Variants in CDH13 observed in about 807,000 individuals in gnomAD.
CDH13 encodes the protein cadherin 13, also known as cadherin-13.
Under a neutral mutation model 63.8 loss-of-function variants are expected in CDH13, and 24 were observed. The ratio of observed to expected loss-of-function variants is 0.38; its 90% CI spans 0.27 to 0.53. The LOEUF is 0.53. Ranked by LOEUF, CDH13 falls within the 20% of genes least tolerant of loss-of-function variation. The pLI is 0.85. For synonymous variants in CDH13, 503 were observed against 355.3 expected, an observed-to-expected ratio of 1.42 and a Z score of -4.67; for missense variants, 1,049 against 903.1, an observed-to-expected ratio of 1.16 and a Z score of -2.07.
chr16:83,391,520 A>G lies in CDH13; in HGVS notation c.781+46514A>G, dbSNP rs116124988. Among the ~76,000 whole-genome samples the G allele has an allele frequency of 5.7e-3, 873 of 152,250 alleles. 14 individuals carry two copies. Among genetic ancestry groups the G allele is most frequent in the African/African-American group, 0.019 (777 of 41,552 alleles). On this transcript the variant is annotated intron_variant, in intron 6 of 13. Transcript: ENST00000567109. ...TGCCAGCCACACATTTAAAATAATG[A>G]TAATAGTAAGCCCCAATTATACTAT...
At chr16:82,800,624 C>T (rs551515481) in intron 1 of CDH13, among the ~76,000 whole-genome samples, 1 of 152,130 alleles carries the variant, frequency 6.6e-6, no homozygotes, top group Non-Finnish European at 1.5e-5. Flanking sequence ...AATAATGGGT[C>T]CTGGCCAGCT....
At chr16:83,193,759 C>T (rs926270556) in intron 4 of CDH13, among the ~76,000 whole-genome samples, 1 of 152,178 alleles carries the variant, frequency 6.6e-6, no homozygotes, top group African/African-American at 2.4e-5. Context: ...AAGAATTCAC[C>T]TTGGCATAGA....
chr16:83,109,407 G>A (rs935769208), intron 3 of CDH13, among the ~76,000 whole-genome samples: 34 of 152,160 alleles, frequency 2.2e-4, no homozygotes, highest in Admixed American at 1.4e-3. Context: ...GGGAAGGGCC[G>A]GATTTTCAGT....
chr16:83,095,906 A>C (rs940659411), intron 3 of CDH13, among the ~76,000 whole-genome samples: 1 of 152,238 alleles, frequency 6.6e-6, no homozygotes, highest in African/African-American at 2.4e-5. Context: ...GTAAGTACAG[A>C]GAAAGGCAAT....
At chr16:83,143,128 C>T (rs1490747687) in intron 4 of CDH13, among the ~76,000 whole-genome samples, 2 of 152,116 alleles carry the variant, frequency 1.3e-5, no homozygotes, top group Non-Finnish European at 2.9e-5. Context: ...GAGTTAAGGG[C>T]AGGCTGTCTT....
At chr16:83,363,864 A>C (rs939633959) in intron 6 of CDH13, among the ~76,000 whole-genome samples, 1 of 152,188 alleles carries the variant, frequency 6.6e-6, no homozygotes, top group Non-Finnish European at 1.5e-5. Flanking sequence ...CGAGAGCAAG[A>C]CAATGAATAT....
chr16:83,655,418 C>T (rs949293726), intron 8 of CDH13, among the ~76,000 whole-genome samples: 1 of 152,204 alleles, frequency 6.6e-6, no homozygotes, highest in African/African-American at 2.4e-5. Context: ...AGTGACAAAG[C>T]CAGATCCTCT....
intron 8 of CDH13, among the ~76,000 whole-genome samples, chr16:83,649,012 A>T (rs1412566792): frequency 6.6e-6 from 1 of 152,212 alleles, no homozygotes; most frequent in Non-Finnish European, 1.5e-5. Flanking sequence ...AAGACATCTT[A>T]TCACTGGGGA....
At chr16:82,846,036 A>G (rs1011658646) in intron 1 of CDH13, among the ~76,000 whole-genome samples, 2 of 152,234 alleles carry the variant, frequency 1.3e-5, no homozygotes, top group African/African-American at 2.4e-5. Context: ...GAAGGAGGGC[A>G]TGCATGAGTC....
chr16:82,901,156 G>A (rs962613392), intron 2 of CDH13, among the ~76,000 whole-genome samples: 4 of 150,868 alleles, frequency 2.7e-5, no homozygotes, highest in Admixed American at 6.6e-5. Context: ...AAAAATGTCC[G>A]TACAGAAGAA....
At chr16:83,303,836 C>A (rs932555168) in intron 5 of CDH13, among the ~76,000 whole-genome samples, 3 of 152,154 alleles carry the variant, frequency 2.0e-5, no homozygotes, top group African/African-American at 7.2e-5. Flanking sequence ...CCTTAAACTA[C>A]ACCTTGGCAA....
intron 10 of CDH13, among the ~76,000 whole-genome samples, chr16:83,681,402 A>G (rs1915391385): frequency 6.6e-6 from 1 of 152,178 alleles, no homozygotes; most frequent in South Asian, 2.1e-4. Flanking sequence ...GGAGCAAAGT[A>G]AATGTGTGTG....
At chr16:82,770,613 G>A (rs756359103) in intron 1 of CDH13, among the ~76,000 whole-genome samples, 4 of 152,170 alleles carry the variant, frequency 2.6e-5, no homozygotes, top group Non-Finnish European at 5.9e-5. Context: ...GTCATTTCAT[G>A]ATTTTTAAGC....
chr16:82,785,472 G>C (rs932008826), intron 1 of CDH13, among the ~76,000 whole-genome samples: 1 of 152,186 alleles, frequency 6.6e-6, no homozygotes, highest in Non-Finnish European at 1.5e-5. Context: ...GCATAATAGA[G>C]CAGCACACCT....
chr16:82,793,048 T>C (rs2036399476), intron 1 of CDH13, among the ~76,000 whole-genome samples: 1 of 152,160 alleles, frequency 6.6e-6, no homozygotes. Flanking sequence ...CTGCCCCTGA[T>C]GGAGTTATTC....
intron 2 of CDH13, among the ~76,000 whole-genome samples, chr16:82,973,487 G>C (rs546730461): frequency 1.4e-4 from 21 of 152,184 alleles, no homozygotes; most frequent in Non-Finnish European, 2.8e-4. Flanking sequence ...CACCTACTGT[G>C]AGGCAGGCAT....
intron 2 of CDH13, among the ~76,000 whole-genome samples, chr16:82,933,554 T>G (rs1870815713): frequency 6.6e-6 from 1 of 152,150 alleles, no homozygotes; most frequent in Non-Finnish European, 1.5e-5. Flanking sequence ...AAAACAAAAT[T>G]ATGCCTTCCC....
At chr16:82,839,456 G>A (rs979527303) in intron 1 of CDH13, among the ~76,000 whole-genome samples, 2 of 152,286 alleles carry the variant, frequency 1.3e-5, no homozygotes, top group East Asian at 1.9e-4. Flanking sequence ...TGGCAGTGCA[G>A]GGTTTCCTGG....
chr16:83,069,239 A>G (rs1464089755), intron 3 of CDH13, among the ~76,000 whole-genome samples: 1 of 152,212 alleles, frequency 6.6e-6, no homozygotes, highest in African/African-American at 2.4e-5. Flanking sequence ...GGCCACCCTT[A>G]TTTATCAGAG....
Sources: gnomAD v4.1 joint callset for allele counts (sites outside exome capture counted in the v4.1 genomes callset) on GRCh38, gnomAD v4.1.1 for gene constraint, MANE v1.5 for transcripts, NCBI Gene and HGNC (gene_info 2026-07-23, HGNC 2026-07-21) for gene names.